Variants in NRG3 observed in about 807,000 individuals in gnomAD.
NRG3 encodes the protein pro-neuregulin-3, membrane-bound isoform.
A neutral mutation model predicts 66.9 loss-of-function variants in NRG3; 31 were observed. The observed-to-expected ratio is 0.46, with a 90% confidence interval of 0.35 to 0.63. NRG3 has a LOEUF of 0.63. Among genes scored for constraint, NRG3 ranks in the 20% least tolerant of loss-of-function variants. NRG3 has a pLI of 0.00. For synonymous variants in NRG3, 393 were observed against 359.4 expected (o/e 1.09, Z -1.06); for missense variants, 910 against 878.9 (o/e 1.04, Z -0.45).
At chr10:82,947,322 T>C (rs968920307) in intron 4 of NRG3, among the ~76,000 whole-genome samples, 5 of 152,182 alleles carry the variant, frequency 3.3e-5, no homozygotes, top group Non-Finnish European at 7.4e-5. Context: ...TATTTCATTA[T>C]ATAGAAATGT....
At chr10:82,021,185 G>T (rs1589811746) in intron 1 of NRG3, among the ~76,000 whole-genome samples, 2 of 152,184 alleles carry the variant, frequency 1.3e-5, no homozygotes, top group South Asian at 2.1e-4. Flanking sequence ...TTGGGTCAGG[G>T]CATTTCCAAT....
chr10:82,325,945 G>A (rs1343619722), intron 1 of NRG3, among the ~76,000 whole-genome samples: 2 of 152,080 alleles, frequency 1.3e-5, no homozygotes, highest in African/African-American at 4.8e-5. Context: ...TAAATGAAAA[G>A]ATACTTTATA....
intron 5 of NRG3, among the ~76,000 whole-genome samples, chr10:82,954,621 A>C (rs1321625645): frequency 6.6e-6 from 1 of 151,880 alleles, no homozygotes; most frequent in East Asian, 1.9e-4. Flanking sequence ...TTTCCACCTG[A>C]AATTGGATTA....
At chr10:82,315,272 C>T (rs2081234470) in intron 1 of NRG3, among the ~76,000 whole-genome samples, 1 of 152,170 alleles carries the variant, frequency 6.6e-6, no homozygotes, top group Non-Finnish European at 1.5e-5. Context: ...TTTTGAAACT[C>T]CTTTTCTGAG....
At chr10:82,285,788 TC>T (rs1340208775) in intron 1 of NRG3, among the ~76,000 whole-genome samples, 1 of 152,202 alleles carries the variant, frequency 6.6e-6, no homozygotes, top group Non-Finnish European at 1.5e-5. Flanking sequence ...TCCTATGACT[TC>T]CTGCTAAAGC....
chr10:81,926,559 G>C, intron 1 of NRG3, among the ~76,000 whole-genome samples: 1 of 151,938 alleles, frequency 6.6e-6, no homozygotes. Context: ...GCTAATTTTA[G>C]CAGATTTTAT....
intron 2 of NRG3, among the ~76,000 whole-genome samples, chr10:82,654,194 G>C (rs576944049): frequency 7.4e-4 from 113 of 152,204 alleles, no homozygotes; most frequent in African/African-American, 2.5e-3. Context: ...AAGGTTGAAG[G>C]AGCTATGTTG....
chr10:82,161,181 C>A (rs2071568299), intron 1 of NRG3, among the ~76,000 whole-genome samples: 1 of 152,032 alleles, frequency 6.6e-6, no homozygotes, highest in African/African-American at 2.4e-5. Flanking sequence ...GCCATTGAGC[C>A]TGGAGCCCCA....
At chr10:82,095,756 C>G (rs2066298846) in intron 1 of NRG3, among the ~76,000 whole-genome samples, 1 of 152,188 alleles carries the variant, frequency 6.6e-6, no homozygotes, top group South Asian at 2.1e-4. Flanking sequence ...ACTCTTCCCT[C>G]TCTGGGAATG....
chr10:81,900,327 C>T (rs1843942848), intron 1 of NRG3, among the ~76,000 whole-genome samples: 1 of 150,552 alleles, frequency 6.6e-6, no homozygotes, highest in Non-Finnish European at 1.5e-5. Flanking sequence ...TTTTAACGCA[C>T]ACTTCTTATA....
At chr10:82,698,256 G>A (rs1463823082) in intron 2 of NRG3, among the ~76,000 whole-genome samples, 1 of 152,096 alleles carries the variant, frequency 6.6e-6, no homozygotes, top group Non-Finnish European at 1.5e-5. Flanking sequence ...TCAAACAGAT[G>A]TGAATTGCTG....
At chr10:82,192,005 C>T (rs750351687) in intron 1 of NRG3, among the ~76,000 whole-genome samples, 13 of 152,116 alleles carry the variant, frequency 8.5e-5, no homozygotes, top group Non-Finnish European at 8.8e-5. Context: ...TTATCTGCTC[C>T]CATCAATGCA....
chr10:82,789,108 C>A (rs1010599372), intron 3 of NRG3, among the ~76,000 whole-genome samples: 1 of 152,024 alleles, frequency 6.6e-6, no homozygotes, highest in Non-Finnish European at 1.5e-5. Flanking sequence ...TTTTACATTT[C>A]CACCAGAAAT....
At chr10:82,003,896 C>A (rs926486388) in intron 1 of NRG3, among the ~76,000 whole-genome samples, 22 of 151,734 alleles carry the variant, frequency 1.4e-4, no homozygotes, top group Admixed American at 1.2e-3. Flanking sequence ...CATGCACCTG[C>A]AGCCTCAGCT....
At chr10:82,857,594 T>C (rs764198209) in intron 3 of NRG3, among the ~76,000 whole-genome samples, 1 of 152,186 alleles carries the variant, frequency 6.6e-6, no homozygotes, top group Non-Finnish European at 1.5e-5. Flanking sequence ...CAGGATGATT[T>C]TGTGTAAAAC....
chr10:82,634,358 A>T (rs914736295), intron 2 of NRG3, among the ~76,000 whole-genome samples: 1 of 152,176 alleles, frequency 6.6e-6, no homozygotes, highest in Non-Finnish European at 1.5e-5. Context: ...TATACAGTAC[A>T]CAGAAGTATG....
chr10:82,955,163 C>CA (rs945150481), intron 5 of NRG3: 10 of 151,828 alleles, frequency 6.6e-5, no homozygotes, highest in African/African-American at 2.4e-4. Context: ...ATTCCCTCGT[C>CA]ACCTTTGGCA....
chr10:81,934,766 C>G (rs986851382), intron 1 of NRG3, among the ~76,000 whole-genome samples: 1 of 152,154 alleles, frequency 6.6e-6, no homozygotes, highest in East Asian at 1.9e-4. Context: ...TCTACTCTTA[C>G]ATACCTTGTG....
intron 1 of NRG3, among the ~76,000 whole-genome samples, chr10:82,224,865 T>C (rs2076099338): frequency 6.6e-6 from 1 of 152,040 alleles, no homozygotes; most frequent in Non-Finnish European, 1.5e-5. Flanking sequence ...ATTAAATGTT[T>C]CAACAAGCAT....
Sources: gnomAD v4.1 joint callset for allele counts (sites outside exome capture counted in the v4.1 genomes callset) on GRCh38, gnomAD v4.1.1 for gene constraint, MANE v1.5 for transcripts, NCBI Gene and HGNC (gene_info 2026-07-23, HGNC 2026-07-21) for gene names.